COG1: variants seen among roughly 807,000 people sequenced by gnomAD.
COG1 encodes component of oligomeric golgi complex 1, also known as conserved oligomeric Golgi complex subunit 1.
Under a neutral mutation model 102.2 loss-of-function variants are expected in COG1, and 61 were observed. The observed-to-expected ratio is 0.60, with a 90% CI of 0.49 to 0.74. The LOEUF (loss-of-function observed/expected upper bound fraction) is 0.74. Ranked by LOEUF, COG1 falls within the 30% of genes least tolerant of loss-of-function variation. The pLI is 0.00. For missense variants in COG1, 1,164 were observed against 1,232.1 expected, an observed-to-expected ratio of 0.94 and a Z score of 0.83; for synonymous variants, 454 against 493.6, an observed-to-expected ratio of 0.92 and a Z score of 1.06.
intron 7 of COG1, among the ~76,000 whole-genome samples, chr17:73,202,223 C>G (rs1021100380): frequency 6.6e-6 from 1 of 152,070 alleles, no homozygotes; most frequent in Non-Finnish European, 1.5e-5. Flanking sequence ...CCTGTAGTCC[C>G]AGCTACTCGG....
intron 13 of COG1, 171 bp from the exon 14 acceptor site, chr17:73,208,142 TC>T: frequency 2.7e-6 from 4 of 1,507,322 alleles, no homozygotes; most frequent in Non-Finnish European, 3.5e-6. Flanking sequence ...CTCATGCTGT[TC>T]CGTGTCCTCT....
At chr17:73,207,436 G>T in intron 13 of COG1, 180 bp downstream of exon 13, 1 of 730,090 alleles carries the variant, frequency 1.4e-6, no homozygotes, top group Non-Finnish European at 2.4e-6. Flanking sequence ...CTACTAGAAG[G>T]TGTAAAAGAT....
chr17:73,207,097 A>C (rs1568299318), intron 12 of COG1, 84 bp from the exon 13 acceptor site: 1 of 164,388 alleles, frequency 6.1e-6, no homozygotes, highest in Non-Finnish European at 9.3e-6. Flanking sequence ...TGTCTCAAAA[A>C]AAAAAAAAAA....
Position 73,200,731 on chromosome 17 carries a change from G to A in COG1, c.1236G>A (p.Leu412=), listed in dbSNP as rs371641254. 7.4e-6 allele frequency: 12 copies of A among 1,613,980 alleles called. No homozygotes were observed. The highest frequency in any genetic ancestry group is 1.6e-4 in the Middle Eastern group (1 of 6,066). ...LCRRLLEKPL[L]FWEDMMQQLF... ...GGCGGCTTCTGGAGAAGCCGCTCTT[G>A]TTCTGGGAAGATATGATGCAGCAAC... The change falls in exon 6 of 14, where the codon TTG becomes TTA. Residue 412 remains leucine (L), a synonymous_variant. Coordinates refer to ENST00000299886, the MANE Select transcript of COG1 (RefSeq NM_018714.3).
chr17:73,198,297 C>T (rs568547191), intron 4 of COG1, among the ~76,000 whole-genome samples: 1 of 152,292 alleles, frequency 6.6e-6, no homozygotes, highest in African/African-American at 2.4e-5. Flanking sequence ...TTTGAAGTGG[C>T]CGATGATGGG....
At chr17:73,199,765 G>A in intron 4 of COG1, 100 bp from the exon 5 acceptor site, 1 of 1,387,928 alleles carries the variant, frequency 7.2e-7, no homozygotes, top group Non-Finnish European at 1.0e-6. Context: ...GTAGAGGTGA[G>A]GTTTCACTGT....
At chr17:73,199,185 C>T (rs189606700) in intron 4 of COG1, among the ~76,000 whole-genome samples, 6 of 152,302 alleles carry the variant, frequency 3.9e-5, no homozygotes, top group Admixed American at 3.9e-4. Context: ...TGACAGGTCA[C>T]CTCTGAAGAG....
Position 73,203,691 on chromosome 17 carries a change from A to C in COG1, c.2280A>C (p.Gly760=). 1.2e-6 allele frequency: 2 copies of C among 1,614,242 alleles called. No individual in the cohort carries two copies. Among genetic ancestry groups the C allele is most frequent in the Non-Finnish European group, 1.7e-6 (2 of 1,180,034 alleles). Residue 760 remains glycine (G), a synonymous_variant, in exon 9 of 14, where the codon GGA becomes GGC. Transcript: ENST00000299886. The part of the protein sequence containing the change: ...FSLCQEINRV[G]GHALPKVTLQ... Reference sequence around the variant, plus strand: ...TATGCCAGGAAATTAATCGGGTTGGAGGCCATGCCTTGCCAAAGGTGACAT... The same window carrying C: ...TATGCCAGGAAATTAATCGGGTTGGCGGCCATGCCTTGCCAAAGGTGACAT...
intron 1 of COG1, among the ~76,000 whole-genome samples, chr17:73,193,821 A>G (rs2061313051): frequency 1.3e-5 from 2 of 151,784 alleles, no homozygotes; most frequent in Admixed American, 1.3e-4. Context: ...CCTTCCCCTT[A>G]TCTCCCCAAG....
intron 1 of COG1, among the ~76,000 whole-genome samples, chr17:73,194,528 A>T (rs1242531788): frequency 6.7e-6 from 1 of 148,750 alleles, no homozygotes; most frequent in Non-Finnish European, 1.5e-5. Flanking sequence ...CAGTGGCGCG[A>T]TCTCGGCTCA....
intron 4 of COG1, among the ~76,000 whole-genome samples, chr17:73,199,137 G>A (rs1012927308): frequency 2.6e-5 from 4 of 152,180 alleles, no homozygotes; most frequent in Non-Finnish European, 5.9e-5. Flanking sequence ...AGTGAACGGG[G>A]CCTCCCAGAG....
chr17:73,201,246 C>T lies in COG1; in HGVS notation c.1419C>T (p.Leu473=). 1 of 1,614,238 alleles carries T rather than the reference C, an allele frequency of 6.2e-7. No homozygotes were observed. The highest frequency in any genetic ancestry group is 8.5e-7 in the Non-Finnish European group (1 of 1,180,044). Residue 473 remains leucine (L), a synonymous_variant, in exon 7 of 14, where the codon CTC becomes CTT. Coordinates refer to ENST00000299886, the MANE Select transcript of COG1 (RefSeq NM_018714.3). The part of the protein sequence containing the change: ...KHIHFEYNMS[L]FLWSESPNDL... ...TCCACTTTGAGTACAACATGTCGCT[C>T]TTCCTCTGGTCTGAGAGTCCTAATG...
At chr17:73,193,629 C>G (rs1406234531) in intron 1 of COG1, among the ~76,000 whole-genome samples, 2 of 152,370 alleles carry the variant, frequency 1.3e-5, no homozygotes, top group African/African-American at 2.4e-5. Context: ...GCGCTTTCCC[C>G]CGACTTCCGG....
At chr17:73,198,484 G>C (rs1445834699) in intron 4 of COG1, among the ~76,000 whole-genome samples, 1 of 152,220 alleles carries the variant, frequency 6.6e-6, no homozygotes, top group African/African-American at 2.4e-5. Flanking sequence ...TATTTGGGAG[G>C]CTGAGGCAGA....
chr17:73,200,698 G>C lies in COG1; in HGVS notation c.1203G>C (p.Val401=). ...TNESTNHSWD[V]LCRRLLEKPL... is the part of the protein sequence containing the mutation. ...AGTCCACCAATCACAGCTGGGATGTGCTATGTCGGCGGCTTCTGGAGAAGC... is the reference window on the plus strand; with the variant it reads ...AGTCCACCAATCACAGCTGGGATGTCCTATGTCGGCGGCTTCTGGAGAAGC... Residue 401 remains valine (V), a synonymous_variant, in exon 6 of 14, where the codon GTG becomes GTC. Transcript: ENST00000299886. 1 of 1,614,208 alleles carries C rather than the reference G, an allele frequency of 6.2e-7. No individual in the cohort carries two copies. The highest frequency in any genetic ancestry group is 8.5e-7 in the Non-Finnish European group (1 of 1,180,026).
intron 10 of COG1, 56 bp downstream of exon 10, chr17:73,205,736 C>T (rs200473198): frequency 1.0e-4 from 166 of 1,609,270 alleles, no homozygotes; most frequent in Middle Eastern, 4.4e-4. Flanking sequence ...AGCAAATAGT[C>T]CCTTTGCTGG....
At position 73,206,863 on chromosome 17, in the gene COG1, G is replaced by C. The variant is rs375213932; in HGVS notation, c.2729+46G>C. 111 of 1,326,370 alleles carry C rather than the reference G, an allele frequency of 8.4e-5. 1 individual carries two copies. The South Asian group carries it at 1.2e-3, about 14-fold the overall frequency. The allele number at this position is 1,326,370 out of a possible 1,614,324, so 82.2% of individuals were successfully genotyped here. On this transcript the variant is annotated intron_variant, in intron 12 of 13. Transcript: ENST00000299886. ...TCTGCGGGGCACTTCGGGAGGCCAA[G>C]GTGGACGGATCACGTCAGGAGATCG...
In COG1 at chr17:73,200,320, C is replaced by T. The variant is rs566874331; in HGVS notation, c.1071-246C>T. Among the ~76,000 whole-genome samples, 10 of 152,188 alleles carry T rather than the reference C, an allele frequency of 6.6e-5. No homozygotes were observed. The South Asian group carries it at 8.3e-4, about 13-fold the overall frequency. On this transcript the variant is annotated intron_variant, in intron 5 of 13. Transcript: ENST00000299886. ...AATGCATTGTTTTTTTAAGCCATTC[C>T]GCAGGGTCCAGACTTGCGTATATCC...
chr17:73,200,427 C>G lies in COG1; in HGVS notation c.1071-139C>G, dbSNP rs141880412. 89 of 886,010 alleles carry G rather than the reference C, an allele frequency of 1.0e-4. No homozygotes were observed. In the African/African-American group the frequency reaches 1.1e-3, roughly 11 times the overall value. 54.9% of individuals were successfully genotyped at this position (886,010 alleles called of 1,614,324 possible). The stretch of plus-strand genomic sequence containing the variant: ...CAAAACGCTCTGTGTTGCTACAGGT[C>G]TATCAACACTGAGACACATAGATAT... On this transcript the variant is annotated intron_variant, in intron 5 of 13. Coordinates refer to ENST00000299886, the MANE Select transcript of COG1 (RefSeq NM_018714.3).
Sources: allele counts gnomAD v4.1 joint callset (sites outside exome capture counted in the v4.1 genomes callset), GRCh38; gene constraint gnomAD v4.1.1; transcripts MANE v1.5; gene names NCBI Gene and HGNC (gene_info 2026-07-23, HGNC 2026-07-21).